Variants in ROBO2 observed in about 807,000 individuals in gnomAD.
The protein encoded by ROBO2 is roundabout guidance receptor 2, also known as roundabout homolog 2.
A neutral mutation model predicts 160.8 loss-of-function variants in ROBO2; 53 were observed. The observed-to-expected ratio is 0.33, with a 90% CI of 0.26 to 0.41. The LOEUF (loss-of-function observed/expected upper bound fraction) is 0.41, where lower values mean the gene tolerates loss of function less well. ROBO2 is among the 10% of genes least tolerant of loss of function. The pLI is 1.00. For missense variants in ROBO2, 1,577 were observed against 1,722.4 expected, an observed-to-expected ratio of 0.92 and a Z score of 1.49; for synonymous variants, 664 against 611.7, an observed-to-expected ratio of 1.09 and a Z score of -1.26.
chr3:76,310,186 CAT>C (rs2107777865), intron 2 of ROBO2, among the ~76,000 whole-genome samples: 1 of 152,294 alleles, frequency 6.6e-6, no homozygotes, highest in South Asian at 2.1e-4. Flanking sequence ...GGGGCACTGT[CAT>C]GTGTTAATTA....
intron 2 of ROBO2, among the ~76,000 whole-genome samples, chr3:77,340,984 T>G (rs1369331453): frequency 6.6e-6 from 1 of 152,138 alleles, no homozygotes; most frequent in Admixed American, 6.6e-5. Context: ...TTAAGAATAT[T>G]CTTTACATTT....
intron 2 of ROBO2, among the ~76,000 whole-genome samples, chr3:76,310,001 T>G (rs1489551746): frequency 6.6e-6 from 1 of 151,876 alleles, no homozygotes; most frequent in Admixed American, 6.6e-5. Flanking sequence ...TTTTTTTTTT[T>G]GTAGAGGTGG....
intron 2 of ROBO2, among the ~76,000 whole-genome samples, chr3:76,914,792 G>T (rs1475725953): frequency 1.3e-5 from 2 of 152,116 alleles, no homozygotes; most frequent in African/African-American, 4.8e-5. Context: ...TATAAAACAA[G>T]CTGACAGGAG....
chr3:76,692,541 T>A (rs1318640949), intron 2 of ROBO2, among the ~76,000 whole-genome samples: 2 of 152,142 alleles, frequency 1.3e-5, no homozygotes, highest in Non-Finnish European at 2.9e-5. Flanking sequence ...TTTAGAACAA[T>A]GAGATTTACA....
intron 2 of ROBO2, among the ~76,000 whole-genome samples, chr3:77,364,580 G>T (rs1178333907): frequency 6.6e-6 from 1 of 152,080 alleles, no homozygotes; most frequent in African/African-American, 2.4e-5. Context: ...AACCATTTTG[G>T]GGTCAGAACA....
At chr3:77,289,018 G>GT in intron 2 of ROBO2, among the ~76,000 whole-genome samples, 1 of 152,174 alleles carries the variant, frequency 6.6e-6, no homozygotes, top group Non-Finnish European at 1.5e-5. Context: ...GCATTGGTGA[G>GT]TTTTGTTTCT....
chr3:76,044,409 G>C (rs1032957562), intron 2 of ROBO2, among the ~76,000 whole-genome samples: 1 of 151,938 alleles, frequency 6.6e-6, no homozygotes, highest in Non-Finnish European at 1.5e-5. Context: ...CTCCAGACAA[G>C]TTTTCAGATT....
chr3:76,360,843 C>T (rs1030340624), intron 2 of ROBO2, among the ~76,000 whole-genome samples: 48 of 151,938 alleles, frequency 3.2e-4, no homozygotes, highest in African/African-American at 1.2e-3. Flanking sequence ...TGGCTGGAGA[C>T]AGAACGGCCA....
intron 2 of ROBO2, among the ~76,000 whole-genome samples, chr3:75,943,882 G>A (rs1948163452): frequency 6.6e-6 from 1 of 151,776 alleles, no homozygotes; most frequent in African/African-American, 2.4e-5. Flanking sequence ...TGGATTTTTA[G>A]CAGAGATTAG....
At chr3:76,275,352 T>C (rs1707859348) in intron 2 of ROBO2, among the ~76,000 whole-genome samples, 1 of 152,110 alleles carries the variant, frequency 6.6e-6, no homozygotes, top group African/African-American at 2.4e-5. Flanking sequence ...TGAGAGCACC[T>C]GTTTCCTCAC....
At chr3:76,766,625 C>T (rs898515469) in intron 2 of ROBO2, among the ~76,000 whole-genome samples, 5 of 151,620 alleles carry the variant, frequency 3.3e-5, no homozygotes, top group African/African-American at 1.2e-4. Context: ...CTACTGTGGA[C>T]AATGTGCTGT....
Position 76,011,421 on chromosome 3 carries a change from C to A in ROBO2, c.109+73819C>A, listed in dbSNP as rs183450803. ...CCTTATCAATGTTTCCACTTTTAAA[C>A]CCCTGCCCTCACCCCCAAAATTGAA... On this transcript the variant is annotated intron_variant, in intron 2 of 26. Transcript: ENST00000487694. Among the ~76,000 whole-genome samples, 4 of 152,294 alleles carry A rather than the reference C, an allele frequency of 2.6e-5. No homozygotes were observed. The East Asian group carries it at 7.7e-4, about 29-fold the overall frequency.
chr3:76,002,848 G>A (rs571613361), intron 2 of ROBO2, among the ~76,000 whole-genome samples: 8 of 152,134 alleles, frequency 5.3e-5, no homozygotes, highest in African/African-American at 1.9e-4. Context: ...TCAACATCAT[G>A]ATTTTAGACT....
chr3:77,524,788 G>GT (rs142508602), intron 6 of ROBO2, among the ~76,000 whole-genome samples: 9,036 of 148,376 alleles, frequency 0.061, 442 homozygotes, highest in East Asian at 0.2. Context: ...GTTTTCAATA[G>GT]TTTTTTTTTT....
intron 9 of ROBO2, among the ~76,000 whole-genome samples, chr3:77,558,465 A>G (rs1223592219): frequency 1.3e-5 from 2 of 152,122 alleles, no homozygotes; most frequent in African/African-American, 4.8e-5. Flanking sequence ...GGAAATGACA[A>G]AAACAACAAA....
intron 2 of ROBO2, among the ~76,000 whole-genome samples, chr3:76,340,269 C>A (rs2074144567): frequency 6.6e-6 from 1 of 152,170 alleles, no homozygotes; most frequent in East Asian, 1.9e-4. Flanking sequence ...GGCAAGCTGT[C>A]CTTTTGGTCT....
chr3:77,289,044 T>C (rs936456229), intron 2 of ROBO2, among the ~76,000 whole-genome samples: 1 of 152,218 alleles, frequency 6.6e-6, no homozygotes, highest in Non-Finnish European at 1.5e-5. Flanking sequence ...TTTGTTCCTG[T>C]TGTGAGTGGG....
intron 2 of ROBO2, among the ~76,000 whole-genome samples, chr3:76,522,912 A>G (rs1228774516): frequency 2.0e-5 from 3 of 151,106 alleles, no homozygotes; most frequent in Non-Finnish European, 4.4e-5. Flanking sequence ...GATGATTTGT[A>G]TATACAGAGA....
At chr3:77,213,117 T>C (rs1580044371) in intron 2 of ROBO2, among the ~76,000 whole-genome samples, 1 of 152,328 alleles carries the variant, frequency 6.6e-6, no homozygotes, top group Admixed American at 6.5e-5. Context: ...GATTCCCTCT[T>C]TTTCTGTTGA....
Sources: allele counts gnomAD v4.1 joint callset (sites outside exome capture counted in the v4.1 genomes callset), GRCh38; gene constraint gnomAD v4.1.1; transcripts MANE v1.5; gene names NCBI Gene and HGNC (gene_info 2026-07-23, HGNC 2026-07-21).